MGAM2: variants seen among roughly 807,000 people sequenced by gnomAD.
The protein encoded by MGAM2 is maltase-glucoamylase 2 (putative).
In MGAM2, 98 loss-of-function variants were observed where a neutral mutation model predicts 96.1. That is an observed-to-expected ratio of 1.02 (90% confidence interval 0.87 to 1.21). MGAM2 has a LOEUF of 1.21. Among genes scored for constraint, MGAM2 ranks in the 50% most tolerant of loss-of-function variants. MGAM2 has a pLI of 0.00. For missense variants in MGAM2, 2,055 were observed against 1,182.4 expected (o/e 1.74, Z -10.82); for synonymous variants, 749 against 414.8 (o/e 1.81, Z -9.79).
intron 3 of MGAM2, among the ~76,000 whole-genome samples, chr7:142,130,701 C>T (rs1325997094): frequency 1.3e-5 from 2 of 152,158 alleles, no homozygotes; most frequent in Non-Finnish European, 2.9e-5. Flanking sequence ...TGCCACTAGA[C>T]AGTAGTTTGC....
intron 3 of MGAM2, among the ~76,000 whole-genome samples, chr7:142,125,684 G>C (rs1314472036): frequency 6.6e-6 from 1 of 152,092 alleles, no homozygotes. Context: ...TTTATAATAG[G>C]TATGAAGCAC....
intron 15 of MGAM2, among the ~76,000 whole-genome samples, chr7:142,152,778 T>C (rs1374705233): frequency 7.2e-5 from 11 of 152,162 alleles, no homozygotes. Flanking sequence ...TTCAATTTTA[T>C]AATTCTAATG....
Position 142,196,179 on chromosome 7 carries a change from C to T in MGAM2, c.4372C>T (p.Arg1458Ter), listed in dbSNP as rs764581600. Residue 1458 changes from arginine to a stop codon, truncating the protein, a stop_gained, in exon 38 of 48, where the codon CGA (arginine) becomes TGA (stop). Transcript: ENST00000477922. LOFTEE classifies it high-confidence loss of function. The part of the protein sequence containing the change: ...YEAVQEVTGQ[R>*]GVIITRSTFP... ...AGCTGTGCAGGAGGTGACAGGACAG[C>T]GAGGGGTCATCATCACCCGCTCCAC... 34 of 1,203,022 alleles carry T rather than the reference C, an allele frequency of 2.8e-5. No individual in the cohort carries two copies. Among genetic ancestry groups the T allele is most frequent in the Admixed American group, 2.5e-4 (13 of 51,360 alleles). 74.5% of individuals were successfully genotyped at this position (1,203,022 alleles called of 1,614,324 possible).
At chr7:142,214,093 G>C (rs184422056) in intron 46 of MGAM2, among the ~76,000 whole-genome samples, 2 of 152,276 alleles carry the variant, frequency 1.3e-5, no homozygotes, top group Non-Finnish European at 2.9e-5. Context: ...AAAGGCCTTT[G>C]ATAAAATTCA....
rs1478923618 is a variant in MGAM2 at position 142,187,755 on chromosome 7, G to GTT, written c.4128_4129insTT (p.Asn1377LeufsTer20). The GTT allele has an allele frequency of 1.4e-6, 1 of 702,692 alleles. No individual in the cohort carries two copies. The highest frequency in any genetic ancestry group is 2.6e-6 in the Non-Finnish European group (1 of 384,778). 43.5% of individuals were successfully genotyped at this position (702,692 alleles called of 1,614,324 possible). ...TTTTTGTTAACTCATTTCAGGATAT[G>GTT]AATGAGCCATCAAATTTTGTGGATG... On this transcript the variant is annotated frameshift_variant, in exon 36 of 48. Coordinates refer to ENST00000477922, the MANE Select transcript of MGAM2 (RefSeq NM_001293626.2). LOFTEE classifies it high-confidence loss of function.
In MGAM2 at chr7:142,218,521, C is replaced by T; in HGVS notation, c.5348C>T (p.Pro1783Leu). 1 of 695,632 alleles carries T rather than the reference C, an allele frequency of 1.4e-6. No homozygotes were observed. Among genetic ancestry groups the T allele is most frequent in the Non-Finnish European group, 2.6e-6 (1 of 381,954 alleles). 43.1% of individuals were successfully genotyped at this position (695,632 alleles called of 1,614,324 possible). A position where few individuals can be genotyped will look rare whatever the true frequency, so the allele number is the denominator to read the frequency against. The stretch of plus-strand genomic sequence containing the variant: ...ATGGAGACAAATTTCAAGAGTGAAC[C>T]TTATAATCAGGTAGGTCTGAAAGGA... ...QFMETNFKSEPYNQILTIQLT... is the reference protein window; with the variant it reads ...QFMETNFKSELYNQILTIQLT... The change falls in exon 47 of 48, where the codon CCT becomes CTT. Residue 1783 changes from proline (P) to leucine (L), a missense_variant. By Grantham distance (98) the Pro-to-Leu change is moderately conservative. Transcript: ENST00000477922.
intron 37 of MGAM2, among the ~76,000 whole-genome samples, chr7:142,194,277 C>G (rs1796959741): frequency 6.6e-6 from 1 of 152,238 alleles, no homozygotes; most frequent in Admixed American, 6.5e-5. Context: ...GGTGATCCAT[C>G]TGCCTGGGCC....
intron 32 of MGAM2, among the ~76,000 whole-genome samples, chr7:142,182,262 G>C (rs1238598041): frequency 6.6e-6 from 1 of 152,178 alleles, no homozygotes; most frequent in East Asian, 1.9e-4. Context: ...GGCTCTGCTG[G>C]GGGTCAGAGT....
At chr7:142,154,957 G>T in intron 17 of MGAM2, 112 bp downstream of exon 17, 1 of 638,416 alleles carries the variant, frequency 1.6e-6, no homozygotes, top group Non-Finnish European at 2.8e-6. Flanking sequence ...GCAGCAGAAG[G>T]ATAAAAAAGT....
At chr7:142,153,798 C>A (rs1795652547) in intron 15 of MGAM2, among the ~76,000 whole-genome samples, 1 of 152,152 alleles carries the variant, frequency 6.6e-6, no homozygotes, top group South Asian at 2.1e-4. Flanking sequence ...GCTATGGGGG[C>A]TAGAATATAG....
chr7:142,157,635 C>T (rs1318479366), intron 17 of MGAM2, among the ~76,000 whole-genome samples: 1 of 152,178 alleles, frequency 6.6e-6, no homozygotes, highest in Non-Finnish European at 1.5e-5. Flanking sequence ...CGTGATCTGC[C>T]TGGCTCGGCC....
chr7:142,165,010 A>T lies in MGAM2; in HGVS notation c.2639A>T (p.Asn880Ile), dbSNP rs73545401. ...VATSSPSVVY[N>I]ASTKVVTITD... ...ACCTCCAGTCCAAGCGTTGTCTACA[A>T]TGCTTCCACAAAGGTAAGAGATCCT... The change falls in exon 24 of 48, where the codon AAT becomes ATT. Residue 880 changes from asparagine (N) to isoleucine (I), a missense_variant. Physicochemically the swap from Asn to Ile is moderately radical, Grantham distance 149 (BLOSUM62 -3). Transcript: ENST00000477922. 2 of 700,022 alleles carry T rather than the reference A, an allele frequency of 2.9e-6. No individual in the cohort carries two copies. The highest frequency in any genetic ancestry group is 5.4e-5 in the East Asian group (2 of 37,190). The allele number at this position is 700,022 out of a possible 1,614,324, so 43.4% of individuals were successfully genotyped here. A position where few individuals can be genotyped will look rare whatever the true frequency, so the allele number is the denominator to read the frequency against.
At chr7:142,204,505 G>T (rs1440019264) in intron 45 of MGAM2, among the ~76,000 whole-genome samples, 3 of 151,854 alleles carry the variant, frequency 2.0e-5, no homozygotes, top group Non-Finnish European at 4.4e-5. Flanking sequence ...AATAGATCTA[G>T]GTTTGAATAC....
At chr7:142,176,107 AAGG>A (rs1324221566) in intron 32 of MGAM2, among the ~76,000 whole-genome samples, 2 of 150,864 alleles carry the variant, frequency 1.3e-5, no homozygotes, top group African/African-American at 4.9e-5. Context: ...AAAAAAAAAA[AAGG>A]GGGGGGCATC....
At chr7:142,201,485 A>T (rs1029919794) in intron 45 of MGAM2, among the ~76,000 whole-genome samples, 1 of 152,218 alleles carries the variant, frequency 6.6e-6, no homozygotes, top group Non-Finnish European at 1.5e-5. Context: ...GTTGTGATTT[A>T]TACAAATAAA....
intron 33 of MGAM2, among the ~76,000 whole-genome samples, chr7:142,183,882 G>A (rs1796613062): frequency 6.9e-6 from 1 of 145,312 alleles, no homozygotes; most frequent in Non-Finnish European, 1.5e-5. Context: ...ATAGCTTTTA[G>A]CCTAGGTTCG....
At chr7:142,113,316 G>A (rs1050275782) in intron 1 of MGAM2, among the ~76,000 whole-genome samples, 2 of 152,102 alleles carry the variant, frequency 1.3e-5, no homozygotes, top group Admixed American at 6.5e-5. Context: ...CTGGGGTTAG[G>A]ACGTGCCATG....
intron 44 of MGAM2, among the ~76,000 whole-genome samples, 149 bp from the exon 45 acceptor site, chr7:142,199,726 ATATTT>A (rs1232023985): frequency 1.3e-5 from 2 of 152,154 alleles, no homozygotes; most frequent in Admixed American, 6.5e-5. Flanking sequence ...TAAATGTCTT[ATATTT>A]TATCTATTGT....
At chr7:142,163,900 T>C (rs1795959239) in intron 23 of MGAM2, among the ~76,000 whole-genome samples, 1 of 152,232 alleles carries the variant, frequency 6.6e-6, no homozygotes, top group African/African-American at 2.4e-5. Flanking sequence ...ATTTTTAATT[T>C]TGATGAATCT....
Sources: gnomAD v4.1 joint callset for allele counts (sites outside exome capture counted in the v4.1 genomes callset) on GRCh38, gnomAD v4.1.1 for gene constraint, MANE v1.5 for transcripts, NCBI Gene and HGNC (gene_info 2026-07-23, HGNC 2026-07-21) for gene names.